LRP1B: variants seen among roughly 807,000 people sequenced by gnomAD.
LRP1B encodes the protein LDL receptor related protein 1B.
In LRP1B, 217 loss-of-function variants were observed where a neutral mutation model predicts 556.6. The observed-to-expected ratio is 0.39, with a 90% CI of 0.35 to 0.44. The LOEUF (loss-of-function observed/expected upper bound fraction) is 0.44. Ranked by LOEUF, LRP1B falls within the 20% of genes least tolerant of loss-of-function variation. The probability of loss-of-function intolerance (pLI) is 1.00; values close to 1 mark genes in which losing one functional copy is unlikely to be tolerated. For missense variants in LRP1B, 5,053 were observed against 5,620.8 expected (o/e 0.90, Z 3.23); for synonymous variants, 2,047 against 1,865.8 (o/e 1.10, Z -2.50).
chr2:141,063,641 C>T (rs920960743), intron 7 of LRP1B, among the ~76,000 whole-genome samples: 2 of 151,830 alleles, frequency 1.3e-5, no homozygotes, highest in African/African-American at 2.4e-5. Flanking sequence ...CCGTCTCTCT[C>T]TCTCTTCCTG....
intron 18 of LRP1B, 21 bp downstream of exon 18, chr2:140,982,139 C>T (rs1273564425): frequency 1.9e-6 from 3 of 1,557,724 alleles, no homozygotes; most frequent in East Asian, 2.2e-5. Flanking sequence ...GTAATAATAA[C>T]ATGTCTCACT....
chr2:140,617,322 A>G (rs1683291870), intron 41 of LRP1B, among the ~76,000 whole-genome samples: 1 of 152,004 alleles, frequency 6.6e-6, no homozygotes, highest in Non-Finnish European at 1.5e-5. Flanking sequence ...TTTTATGGAA[A>G]AGGTGATACC....
At chr2:140,911,390 T>A (rs1437921783) in intron 21 of LRP1B, among the ~76,000 whole-genome samples, 1 of 151,774 alleles carries the variant, frequency 6.6e-6, no homozygotes, top group Non-Finnish European at 1.5e-5. Context: ...TGAATACTCT[T>A]GTGCTGCTTT....
At chr2:140,243,153 A>G (rs780236377) in intron 87 of LRP1B, among the ~76,000 whole-genome samples, 4 of 151,140 alleles carry the variant, frequency 2.6e-5, no homozygotes, top group African/African-American at 4.8e-5. Context: ...AATATAGATG[A>G]CACAGATACA....
intron 2 of LRP1B, among the ~76,000 whole-genome samples, chr2:141,797,875 T>C (rs187113570): frequency 9.5e-4 from 145 of 152,322 alleles, no homozygotes; most frequent in Admixed American, 4.4e-3. Context: ...TGATATTCTA[T>C]AGGTAAACAT....
At position 140,946,574 on chromosome 2, in the gene LRP1B, T is replaced by C. The variant is rs188879855; in HGVS notation, c.3136+3661A>G. Among the ~76,000 whole-genome samples the C allele has an allele frequency of 2.7e-3, 407 of 152,078 alleles. 2 individuals are homozygous for C. Among genetic ancestry groups the C allele is most frequent in the African/African-American group, 9.3e-3 (386 of 41,484 alleles). ...TGAGATCATGCCACTGCACTCCAGC[T>C]TGGGCAACAGAGTGATACTCAGTCT... On this transcript the variant is annotated intron_variant, in intron 20 of 90. Coordinates refer to ENST00000389484, the MANE Select transcript of LRP1B (RefSeq NM_018557.3).
chr2:141,920,170 C>T (rs569093460), intron 1 of LRP1B, among the ~76,000 whole-genome samples: 8 of 151,618 alleles, frequency 5.3e-5, no homozygotes, highest in Non-Finnish European at 8.8e-5. Flanking sequence ...ATTGCTCTTC[C>T]GAACTCAGTC....
At chr2:140,695,611 G>A (rs1686403405) in intron 41 of LRP1B, among the ~76,000 whole-genome samples, 1 of 152,074 alleles carries the variant, frequency 6.6e-6, no homozygotes, top group Non-Finnish European at 1.5e-5. Context: ...TTTGAGATTA[G>A]CTATCTCTAA....
chr2:140,611,358 AGTG>A (rs1034664822), intron 41 of LRP1B, among the ~76,000 whole-genome samples: 6 of 152,158 alleles, frequency 3.9e-5, no homozygotes, highest in African/African-American at 9.7e-5. Flanking sequence ...TAGGTGGAGA[AGTG>A]GTGAGACTAC....
At chr2:141,200,666 T>C (rs1401311) in intron 6 of LRP1B, among the ~76,000 whole-genome samples, 1 of 151,782 alleles carries the variant, frequency 6.6e-6, no homozygotes, top group African/African-American at 2.4e-5. Flanking sequence ...TCCCCATCAA[T>C]GTATACCATT....
chr2:141,963,227 T>A (rs1372781147), intron 1 of LRP1B, among the ~76,000 whole-genome samples: 2 of 151,932 alleles, frequency 1.3e-5, no homozygotes, highest in Non-Finnish European at 2.9e-5. Flanking sequence ...TTACTATGGA[T>A]AACAAGAGTA....
chr2:141,553,174 A>G (rs1444654687), intron 2 of LRP1B, among the ~76,000 whole-genome samples: 1 of 151,842 alleles, frequency 6.6e-6, no homozygotes, highest in East Asian at 1.9e-4. Flanking sequence ...GCTGCCTATA[A>G]CTGATAACAT....
At chr2:140,649,555 G>A (rs1403020151) in intron 41 of LRP1B, among the ~76,000 whole-genome samples, 3 of 152,184 alleles carry the variant, frequency 2.0e-5, no homozygotes, top group African/African-American at 7.2e-5. Context: ...CAACAGCTCA[G>A]GACAATTGCT....
At chr2:141,888,142 G>A (rs1433182715) in intron 1 of LRP1B, among the ~76,000 whole-genome samples, 2 of 152,088 alleles carry the variant, frequency 1.3e-5, no homozygotes, top group Non-Finnish European at 1.5e-5. Flanking sequence ...TGCCTAAAGT[G>A]GTCAAAATGT....
In LRP1B at chr2:141,188,456, G is replaced by A. The variant is rs541798999; in HGVS notation, c.978C>T (p.His326=). The A allele has an allele frequency of 3.9e-5, 63 of 1,612,522 alleles. 1 individual carries two copies. The South Asian group carries it at 6.8e-4, about 17-fold the overall frequency. Residue 326 remains histidine, a synonymous_variant, in exon 7 of 91, where the codon CAC becomes CAT. Coordinates refer to ENST00000389484, the MANE Select transcript of LRP1B (RefSeq NM_018557.3). ...GATCTACTGCTATTGCTTTAGGATT[G>A]TGAAGCTCCAGATCAATCAGGGTGA... ...VCVTLIDLEL[H]NPKAIAVDPI... is the part of the protein sequence containing the mutation.
At chr2:141,698,258 A>G (rs1691804246) in intron 2 of LRP1B, among the ~76,000 whole-genome samples, 1 of 151,842 alleles carries the variant, frequency 6.6e-6, no homozygotes, top group Admixed American at 6.6e-5. Flanking sequence ...TGAGCAAGGC[A>G]AAAGAAAATC....
intron 25 of LRP1B, among the ~76,000 whole-genome samples, chr2:140,875,959 A>C (rs2105172389): frequency 6.6e-6 from 1 of 152,254 alleles, no homozygotes; most frequent in East Asian, 1.9e-4. Flanking sequence ...GACTGCCCTA[A>C]AATTTTTGTC....
At chr2:140,738,226 T>C (rs1266883105) in intron 35 of LRP1B, among the ~76,000 whole-genome samples, 1 of 152,144 alleles carries the variant, frequency 6.6e-6, no homozygotes, top group Non-Finnish European at 1.5e-5. Context: ...GCATGGATGA[T>C]GACCCTGTAT....
chr2:140,449,184 T>C (rs1030571136), intron 63 of LRP1B, among the ~76,000 whole-genome samples: 14 of 152,238 alleles, frequency 9.2e-5, no homozygotes, highest in Admixed American at 7.9e-4. Context: ...ACAAGAAAGA[T>C]CATCTTCTTA....
Sources: allele counts gnomAD v4.1 joint callset (sites outside exome capture counted in the v4.1 genomes callset), GRCh38; gene constraint gnomAD v4.1.1; transcripts MANE v1.5; gene names NCBI Gene and HGNC (gene_info 2026-07-23, HGNC 2026-07-21).